The following XKR9 variants were observed in gnomAD, a reference collection of about 807,000 sequenced individuals.
The protein encoded by XKR9 is XK related 9.
XKR9 carries 32 observed loss-of-function variants against 32.0 expected under a neutral mutation model. The ratio of observed to expected loss-of-function variants is 1.00; its 90% confidence interval spans 0.76 to 1.34. The LOEUF (loss-of-function observed/expected upper bound fraction) is 1.34, where lower values mean the gene tolerates loss of function less well. Ranked by LOEUF, XKR9 falls within the 40% of genes most tolerant of loss-of-function variation. The probability of loss-of-function intolerance (pLI) is 0.00; values close to 1 mark genes in which losing one functional copy is unlikely to be tolerated. For missense variants in XKR9, 546 were observed against 429.7 expected, an observed-to-expected ratio of 1.27 and a Z score of -2.39; for synonymous variants, 168 against 143.4, an observed-to-expected ratio of 1.17 and a Z score of -1.22.
chr8:71,026,805 A>C, the XKR9 span, among the ~76,000 whole-genome samples: 1 of 152,156 alleles, frequency 6.6e-6, no homozygotes, highest in South Asian at 2.1e-4. Flanking sequence ...GTGTTATGTG[A>C]CCCATGAGAT....
chr8:70,711,574 T>C (rs373217404), intron 4 of XKR9, among the ~76,000 whole-genome samples: 5 of 152,222 alleles, frequency 3.3e-5, no homozygotes, highest in African/African-American at 1.2e-4. Context: ...GAGCTAAACA[T>C]TGAGTACACA....
At chr8:70,751,273 G>T (rs1259348215) in intron 2 of XKR9, among the ~76,000 whole-genome samples, 1 of 152,174 alleles carries the variant, frequency 6.6e-6, no homozygotes, top group Non-Finnish European at 1.5e-5. Context: ...GGGATTACAG[G>T]CACCTGCTAC....
the XKR9 span, among the ~76,000 whole-genome samples, chr8:70,995,480 C>T: frequency 6.6e-6 from 1 of 152,152 alleles, no homozygotes; most frequent in Non-Finnish European, 1.5e-5. Context: ...ATAACACTCT[C>T]ATTCTAATCT....
chr8:70,697,249 C>T (rs1173669439), intron 3 of XKR9, among the ~76,000 whole-genome samples: 2 of 151,740 alleles, frequency 1.3e-5, no homozygotes, highest in Admixed American at 6.6e-5. Flanking sequence ...AGAGGGCATC[C>T]CTGTCTTGTG....
chr8:70,814,069 T>G, the XKR9 span, among the ~76,000 whole-genome samples: 1 of 152,092 alleles, frequency 6.6e-6, no homozygotes. Context: ...ATAGTCTGGA[T>G]TAAGAAAATG....
chr8:70,977,951 A>C, the XKR9 span, among the ~76,000 whole-genome samples: 2 of 152,166 alleles, frequency 1.3e-5, no homozygotes, highest in African/African-American at 4.8e-5. Flanking sequence ...TAGGGTAATT[A>C]GCTCTTCTTG....
chr8:70,920,062 G>A, the XKR9 span, among the ~76,000 whole-genome samples: 5 of 152,172 alleles, frequency 3.3e-5, no homozygotes, highest in South Asian at 2.1e-4. Flanking sequence ...GATATCAGCA[G>A]CAGTGCATGC....
chr8:70,956,032 G>A, the XKR9 span, among the ~76,000 whole-genome samples: 4 of 152,200 alleles, frequency 2.6e-5, no homozygotes, highest in Non-Finnish European at 4.4e-5. Context: ...GGAAGCCCCT[G>A]GGTCTGAGCT....
the XKR9 span, among the ~76,000 whole-genome samples, chr8:70,816,275 G>A: frequency 6.6e-6 from 1 of 152,204 alleles, no homozygotes; most frequent in Non-Finnish European, 1.5e-5. Context: ...ATGGTGCTGG[G>A]AAAACTGGAC....
chr8:70,856,670 A>G, the XKR9 span, among the ~76,000 whole-genome samples: 2 of 152,206 alleles, frequency 1.3e-5, no homozygotes, highest in African/African-American at 4.8e-5. Context: ...CAGAATATAC[A>G]TTCTTTTCAG....
At chr8:70,905,132 G>A in the XKR9 span, among the ~76,000 whole-genome samples, 1 of 152,016 alleles carries the variant, frequency 6.6e-6, no homozygotes, top group African/African-American at 2.4e-5. Flanking sequence ...TATCTTTGTG[G>A]CGTTCTCTGT....
At chr8:71,034,599 A>T in the XKR9 span, among the ~76,000 whole-genome samples, 1 of 152,132 alleles carries the variant, frequency 6.6e-6, no homozygotes, top group Non-Finnish European at 1.5e-5. Flanking sequence ...ATGGTAAGTT[A>T]CCCGAAGAGG....
chr8:71,008,232 G>C, the XKR9 span, among the ~76,000 whole-genome samples: 1 of 152,106 alleles, frequency 6.6e-6, no homozygotes, highest in South Asian at 2.1e-4. Context: ...AGGTACAAGG[G>C]CAAAGAGCAA....
the XKR9 span, among the ~76,000 whole-genome samples, chr8:70,798,469 A>T: frequency 6.6e-6 from 1 of 152,186 alleles, no homozygotes; most frequent in Admixed American, 6.5e-5. Context: ...TTGGGTAAAC[A>T]GTTTGCAAAT....
the XKR9 span, among the ~76,000 whole-genome samples, chr8:70,890,735 A>C: frequency 1.3e-5 from 2 of 151,888 alleles, no homozygotes; most frequent in African/African-American, 4.8e-5. Flanking sequence ...TGCATCTATC[A>C]TCAGGGATAT....
chr8:70,957,180 T>A, the XKR9 span, among the ~76,000 whole-genome samples: 1 of 152,224 alleles, frequency 6.6e-6, no homozygotes, highest in African/African-American at 2.4e-5. Flanking sequence ...TTATTTTAAT[T>A]TTTTTAGGAA....
chr8:71,005,566 T>C, the XKR9 span, among the ~76,000 whole-genome samples: 1 of 152,204 alleles, frequency 6.6e-6, no homozygotes, highest in Non-Finnish European at 1.5e-5. Flanking sequence ...GCCAGATTTC[T>C]AAATGGTCAT....
chr8:71,015,413 A>G, the XKR9 span, among the ~76,000 whole-genome samples: 1 of 152,170 alleles, frequency 6.6e-6, no homozygotes, highest in South Asian at 2.1e-4. Context: ...TGGGCAAGAT[A>G]TTGTTACCTA....
At chr8:71,041,562 T>C in the XKR9 span, among the ~76,000 whole-genome samples, 2 of 152,186 alleles carry the variant, frequency 1.3e-5, no homozygotes. Flanking sequence ...GGTTTGGCTC[T>C]GTGTCCCCAC....
Sources: allele counts gnomAD v4.1 joint callset (sites outside exome capture counted in the v4.1 genomes callset), GRCh38; gene constraint gnomAD v4.1.1; transcripts MANE v1.5; gene names NCBI Gene and HGNC (gene_info 2026-07-23, HGNC 2026-07-21).